The following CNTN1 variants were observed in gnomAD, a reference collection of about 807,000 sequenced individuals.
CNTN1 encodes contactin 1, also known as contactin-1.
Under a neutral mutation model 126.4 loss-of-function variants are expected in CNTN1, and 38 were observed. That is an observed-to-expected ratio of 0.30 (90% confidence interval 0.23 to 0.39). CNTN1 has a LOEUF of 0.39. CNTN1 is among the 10% of genes least tolerant of loss of function. The pLI, the probability that CNTN1 is intolerant of heterozygous loss-of-function variation, is 1.00. For synonymous variants in CNTN1, 413 were observed against 422.6 expected (o/e 0.98, Z 0.28); for missense variants, 1,009 against 1,248.4 (o/e 0.81, Z 2.89).
At chr12:40,969,818 C>T (rs1435467759) in intron 15 of CNTN1, among the ~76,000 whole-genome samples, 1 of 152,108 alleles carries the variant, frequency 6.6e-6, no homozygotes, top group African/African-American at 2.4e-5. Flanking sequence ...TTTGAATCCA[C>T]TTTATCCTTT....
rs1940858457 is a variant in CNTN1 at position 40,806,435 on chromosome 12, T to C, written c.-76-101922T>C. On this transcript the variant is annotated intron_variant, in intron 1 of 23. Transcript: ENST00000551295. ...TCTTTGTTCTGTGGTTATGAGACCT[T>C]ACCCACCCGCTAATGTCATAAAGTG... Among the ~76,000 whole-genome samples, 2 of 152,154 alleles carry C rather than the reference T, an allele frequency of 1.3e-5. 1 individual carries two copies. The highest frequency in any genetic ancestry group is 4.1e-4 in the South Asian group (2 of 4,832).
At chr12:40,877,971 A>G (rs532545480) in intron 1 of CNTN1, among the ~76,000 whole-genome samples, 187 of 149,358 alleles carry the variant, frequency 1.3e-3, no homozygotes, top group African/African-American at 3.9e-3. Context: ...CTTCCCCACC[A>G]AAGAAACAGT....
At chr12:40,795,037 G>A (rs115255329) in intron 1 of CNTN1, among the ~76,000 whole-genome samples, 119 of 152,076 alleles carry the variant, frequency 7.8e-4, no homozygotes, top group African/African-American at 2.7e-3. Flanking sequence ...TTGATTTTAC[G>A]TAAAGTAGAT....
intron 1 of CNTN1, among the ~76,000 whole-genome samples, chr12:40,746,238 A>G (rs1045743147): frequency 6.6e-6 from 1 of 152,170 alleles, no homozygotes; most frequent in Non-Finnish European, 1.5e-5. Flanking sequence ...CTGTTAAAAC[A>G]TTTTAAGGTA....
intron 23 of CNTN1, among the ~76,000 whole-genome samples, chr12:41,047,477 C>A (rs551565608): frequency 3.9e-4 from 60 of 152,160 alleles, no homozygotes; most frequent in African/African-American, 1.4e-3. Context: ...GAAGGCTGCA[C>A]CTGGTGGAGG....
intron 17 of CNTN1, among the ~76,000 whole-genome samples, chr12:41,013,155 G>C (rs1403062977): frequency 5.9e-5 from 9 of 152,164 alleles, no homozygotes; most frequent in South Asian, 2.1e-4. Context: ...TGTTTACATA[G>C]TGCGTGGGGA....
At chr12:40,842,525 C>T (rs1942324253) in intron 1 of CNTN1, among the ~76,000 whole-genome samples, 1 of 151,998 alleles carries the variant, frequency 6.6e-6, no homozygotes, top group South Asian at 2.1e-4. Flanking sequence ...ATATATATAA[C>T]TTATGTATCA....
intron 1 of CNTN1, among the ~76,000 whole-genome samples, chr12:40,766,193 A>G (rs1939078965): frequency 6.6e-6 from 1 of 152,058 alleles, no homozygotes; most frequent in Non-Finnish European, 1.5e-5. Context: ...CCCCATCTCT[A>G]CTAAAAATAC....
At chr12:40,768,629 G>A (rs1334063976) in intron 1 of CNTN1, among the ~76,000 whole-genome samples, 1 of 152,132 alleles carries the variant, frequency 6.6e-6, no homozygotes, top group Non-Finnish European at 1.5e-5. Context: ...CCACAGAAAA[G>A]CCTTTAATTC....
chr12:40,756,699 T>G (rs1938623914), intron 1 of CNTN1, among the ~76,000 whole-genome samples: 2 of 152,114 alleles, frequency 1.3e-5, no homozygotes, highest in Admixed American at 1.3e-4. Context: ...CTTTATTAAT[T>G]AGTTCTTTGT....
At position 40,924,881 on chromosome 12, in the gene CNTN1, C is replaced by CATAT. The variant is rs138237336; in HGVS notation, c.496+243_496+246dup. On this transcript the variant is annotated intron_variant, in intron 6 of 23. Transcript: ENST00000551295. The stretch of plus-strand genomic sequence containing the variant: ...ATCTCTAATCATTTTAGTTTATAAA[C>CATAT]ATATATATATATATATAGTATTATG... 4.9e-4 allele frequency among the ~76,000 whole-genome samples: 55 copies of CATAT among 112,116 alleles called. 5 individuals carry two copies. In the East Asian group the frequency reaches 5.6e-3, roughly 11 times the overall value. The allele number at this position is 112,116 out of a possible 152,430, so 73.6% of individuals were successfully genotyped here. A position where few individuals can be genotyped will look rare whatever the true frequency, so the allele number is the denominator to read the frequency against.
At chr12:40,902,177 G>A (rs1421777965) in intron 1 of CNTN1, among the ~76,000 whole-genome samples, 1 of 152,128 alleles carries the variant, frequency 6.6e-6, no homozygotes, top group African/African-American at 2.4e-5. Flanking sequence ...TACATATGCT[G>A]CAAAGCTTTA....
intron 23 of CNTN1, among the ~76,000 whole-genome samples, chr12:41,057,137 A>G (rs1949840150): frequency 6.9e-6 from 1 of 143,938 alleles, no homozygotes; most frequent in Non-Finnish European, 1.5e-5. Context: ...ATTTATAAAT[A>G]TTATATTTAG....
At chr12:40,764,823 T>A (rs1401515153) in intron 1 of CNTN1, among the ~76,000 whole-genome samples, 1 of 152,202 alleles carries the variant, frequency 6.6e-6, no homozygotes, top group Non-Finnish European at 1.5e-5. Flanking sequence ...TCTCCAGGCA[T>A]TGTTGGATTT....
At chr12:40,970,112 G>C (rs893060785) in intron 15 of CNTN1, among the ~76,000 whole-genome samples, 5 of 152,032 alleles carry the variant, frequency 3.3e-5, no homozygotes, top group African/African-American at 1.2e-4. Flanking sequence ...TAGGGTCTAA[G>C]CAACTTGGAG....
intron 3 of CNTN1, among the ~76,000 whole-genome samples, chr12:40,916,850 G>A (rs948459427): frequency 2.0e-5 from 3 of 151,978 alleles, no homozygotes; most frequent in Non-Finnish European, 4.4e-5. Flanking sequence ...TTCATGGCAG[G>A]AGCTAAGTCT....
intron 1 of CNTN1, among the ~76,000 whole-genome samples, chr12:40,705,412 G>C (rs1214808836): frequency 2.6e-5 from 4 of 152,052 alleles, no homozygotes; most frequent in Non-Finnish European, 5.9e-5. Flanking sequence ...TTGTGTTTGA[G>C]ATGGGGTAAG....
At chr12:40,819,925 G>A (rs556685317) in intron 1 of CNTN1, among the ~76,000 whole-genome samples, 1 of 152,286 alleles carries the variant, frequency 6.6e-6, no homozygotes, top group African/African-American at 2.4e-5. Flanking sequence ...CCCCTTCCTT[G>A]TGTCGTTCTC....
rs532098517 is a variant in CNTN1, at chr12:40,756,612, G to T, written c.-77+64020G>T. On this transcript the variant is annotated intron_variant, in intron 1 of 23. Coordinates refer to ENST00000551295, the MANE Select transcript of CNTN1 (RefSeq NM_001843.4). ...GCCATGAGTTTCAAAGCTGAGGGTT[G>T]TTAGGAAAGGCATTTGCACTAGGTG... 5.3e-5 allele frequency among the ~76,000 whole-genome samples: 8 copies of T among 152,232 alleles called. No homozygotes were observed. In the Middle Eastern group the frequency reaches 0.01, roughly 194 times the overall value.
Sources: allele counts gnomAD v4.1 joint callset (sites outside exome capture counted in the v4.1 genomes callset), GRCh38; gene constraint gnomAD v4.1.1; transcripts MANE v1.5; gene names NCBI Gene and HGNC (gene_info 2026-07-23, HGNC 2026-07-21).